CDH13: variants seen among roughly 807,000 people sequenced by gnomAD.
CDH13 encodes cadherin 13.
In CDH13, 24 loss-of-function variants were observed where a neutral mutation model predicts 63.8. The observed-to-expected ratio is 0.38, with a 90% CI of 0.27 to 0.53. CDH13 has a LOEUF of 0.53. CDH13 is among the 20% of genes least tolerant of loss of function. The pLI is 0.85. For synonymous variants in CDH13, 503 were observed against 355.3 expected (o/e 1.42, Z -4.67); for missense variants, 1,049 against 903.1 (o/e 1.16, Z -2.07).
intron 4 of CDH13, among the ~76,000 whole-genome samples, chr16:83,178,963 A>G (rs563344181): frequency 1.8e-4 from 27 of 152,322 alleles, no homozygotes; most frequent in African/African-American, 5.5e-4. Context: ...GCTTCTCATT[A>G]TGCAAAAAAT....
chr16:83,413,165 A>G (rs538385904), intron 6 of CDH13, among the ~76,000 whole-genome samples: 119 of 152,324 alleles, frequency 7.8e-4, no homozygotes, highest in African/African-American at 2.7e-3. Context: ...ACTCAAATGC[A>G]AAGGCACGGT....
rs999719694 is a variant in CDH13 at position 83,047,538 on chromosome 16, C to T, written c.366+15320C>T. 2.0e-5 allele frequency among the ~76,000 whole-genome samples: 3 copies of T among 152,092 alleles called. No individual in the cohort carries two copies. The highest frequency in any genetic ancestry group is 2.9e-5 in the Non-Finnish European group (2 of 68,020). ...TGGAAGGGGAGGATAAGAAAGAAGA[C>T]CTAAAAACTGAATTTTTAAAATACA... On this transcript the variant is annotated intron_variant, in intron 3 of 13. Coordinates refer to ENST00000567109, the MANE Select transcript of CDH13 (RefSeq NM_001257.5). The surrounding 1 kb of genome is among the most constrained non-coding windows in gnomAD (Gnocchi z 4.9).
rs1232288306 is a variant in CDH13 at position 83,123,974 on chromosome 16, C to G, written c.367-1411C>G. 3.3e-5 allele frequency among the ~76,000 whole-genome samples: 5 copies of G among 152,156 alleles called. No individual in the cohort carries two copies. The East Asian group carries it at 7.7e-4, about 23-fold the overall frequency. On this transcript the variant is annotated intron_variant, in intron 3 of 13. Transcript: ENST00000567109. ...ATGATTAGTGATATTGAGCATTTTTCATATGTCTGTTGGCCCGTCGTACGT... is the reference window on the plus strand; with the variant it reads ...ATGATTAGTGATATTGAGCATTTTTGATATGTCTGTTGGCCCGTCGTACGT...
chr16:82,668,202 A>T (rs1912832166), intron 1 of CDH13, among the ~76,000 whole-genome samples: 1 of 151,850 alleles, frequency 6.6e-6, no homozygotes, highest in African/African-American at 2.4e-5. Flanking sequence ...ACACCACCAA[A>T]CCCTGGCACC....
In CDH13 at chr16:82,955,343, G is replaced by A. The variant is rs185222156; in HGVS notation, c.158-76667G>A. Among the ~76,000 whole-genome samples the A allele has an allele frequency of 2.6e-5, 4 of 152,300 alleles. No homozygotes were observed. In the East Asian group the frequency reaches 7.7e-4, roughly 29 times the overall value. ...CCAGAATTCCTAAAACATTCAAGAA[G>A]GATGTTATCGGTACATGATCAGAGT... On this transcript the variant is annotated intron_variant, in intron 2 of 13. Coordinates refer to ENST00000567109, the MANE Select transcript of CDH13 (RefSeq NM_001257.5).
chr16:82,884,769 C>T (rs2040823764), intron 2 of CDH13, among the ~76,000 whole-genome samples: 1 of 152,186 alleles, frequency 6.6e-6, no homozygotes, highest in African/African-American at 2.4e-5. Context: ...TCAGATTTTT[C>T]AGCCTTGTCC....
intron 6 of CDH13, among the ~76,000 whole-genome samples, chr16:83,440,447 G>T (rs1394603599): frequency 2.0e-5 from 3 of 152,092 alleles, no homozygotes; most frequent in East Asian, 3.9e-4. Flanking sequence ...ATCAGTCGTG[G>T]GGAGGAGGGG....
chr16:82,949,844 A>T (rs1905109397), intron 2 of CDH13, among the ~76,000 whole-genome samples: 1 of 152,162 alleles, frequency 6.6e-6, no homozygotes, highest in Non-Finnish European at 1.5e-5. Flanking sequence ...TGAATGTTAC[A>T]GTGACTGATA....
intron 1 of CDH13, chr16:82,637,864 T>G (rs1163878713): frequency 6.6e-6 from 1 of 152,216 alleles, no homozygotes; most frequent in African/African-American, 2.4e-5. Context: ...CTGGGGCCCG[T>G]GTCTTCACTC....
intron 3 of CDH13, among the ~76,000 whole-genome samples, chr16:83,089,463 C>T (rs1478693986): frequency 6.6e-6 from 1 of 152,244 alleles, no homozygotes; most frequent in African/African-American, 2.4e-5. Context: ...GGCTTTCATG[C>T]ACCTGCCTTG....
chr16:83,717,124 G>C (rs1452021389), intron 10 of CDH13: 1 of 152,390 alleles, frequency 6.6e-6, no homozygotes, highest in Non-Finnish European at 1.5e-5. Context: ...GCCAGGGGTA[G>C]TGGTGCACAC....
At chr16:82,750,276 C>T (rs1049126744) in intron 1 of CDH13, among the ~76,000 whole-genome samples, 1 of 152,092 alleles carries the variant, frequency 6.6e-6, no homozygotes, top group Non-Finnish European at 1.5e-5. Context: ...CACATCCTGA[C>T]TAAATGGGTG....
intron 7 of CDH13, among the ~76,000 whole-genome samples, chr16:83,509,574 C>G (rs2074506662): frequency 6.6e-6 from 1 of 152,080 alleles, no homozygotes; most frequent in South Asian, 2.1e-4. Context: ...GTTTGCTGAC[C>G]TCTGATTTAA....
At chr16:83,588,484 A>G (rs971413409) in intron 7 of CDH13, among the ~76,000 whole-genome samples, 12 of 152,230 alleles carry the variant, frequency 7.9e-5, no homozygotes, top group African/African-American at 2.2e-4. Flanking sequence ...TTCAAAGACT[A>G]TAACCCGATG....
Position 82,627,077 on chromosome 16 carries a change from C to T in CDH13, c.-16C>T. The T allele has an allele frequency of 1.3e-6, 2 of 1,594,410 alleles. No individual in the cohort carries two copies. The highest frequency in any genetic ancestry group is 3.5e-5 in the Admixed American group (2 of 57,596). ...GCATGAATGAAAACGCCGCCGGGCG[C>T]TTCTAGTCGGACAAAATGCAGCCGA... On this transcript the variant is annotated 5_prime_UTR_variant, in exon 1 of 14. Transcript: ENST00000567109.
intron 10 of CDH13, among the ~76,000 whole-genome samples, chr16:83,742,130 G>A (rs944293567): frequency 3.9e-5 from 6 of 152,160 alleles, no homozygotes; most frequent in Non-Finnish European, 7.4e-5. Context: ...AGCCCCTGAG[G>A]GCAGAGGCTG....
intron 2 of CDH13, among the ~76,000 whole-genome samples, chr16:82,911,953 C>G (rs545806676): frequency 6.6e-6 from 1 of 152,052 alleles, no homozygotes; most frequent in East Asian, 2.0e-4. Context: ...CTTGCTGACT[C>G]CTCTCCTGAA....
At chr16:83,350,237 C>T (rs1402992522) in intron 6 of CDH13, among the ~76,000 whole-genome samples, 1 of 152,184 alleles carries the variant, frequency 6.6e-6, no homozygotes, top group African/African-American at 2.4e-5. Context: ...CTTTTAGCCA[C>T]CCCAAATGGC....
At chr16:82,648,858 T>C (rs1910405275) in intron 1 of CDH13, among the ~76,000 whole-genome samples, 1 of 152,186 alleles carries the variant, frequency 6.6e-6, no homozygotes, top group Non-Finnish European at 1.5e-5. Context: ...GAAAAATTAA[T>C]CTGGGGGCAG....
Sources: allele counts gnomAD v4.1 joint callset (sites outside exome capture counted in the v4.1 genomes callset), GRCh38; gene constraint gnomAD v4.1.1; non-coding constraint Gnocchi (gnomAD v3.1); transcripts MANE v1.5; gene names NCBI Gene and HGNC (gene_info 2026-07-23, HGNC 2026-07-21).